ITGBL1: variants seen among roughly 807,000 people sequenced by gnomAD.
ITGBL1 encodes integrin subunit beta like 1.
ITGBL1 carries 51 observed loss-of-function variants against 68.5 expected under a neutral mutation model. The ratio of observed to expected loss-of-function variants is 0.74; its 90% CI spans 0.59 to 0.94. The LOEUF (loss-of-function observed/expected upper bound fraction) is 0.94. Among genes scored for constraint, ITGBL1 ranks in the 40% least tolerant of loss-of-function variants. The pLI is 0.00. For synonymous variants in ITGBL1, 209 were observed against 227.3 expected, an observed-to-expected ratio of 0.92 and a Z score of 0.72; for missense variants, 649 against 647.4, an observed-to-expected ratio of 1.00 and a Z score of -0.03.
At chr13:101,691,992 T>A (rs1308850475) in intron 7 of ITGBL1, among the ~76,000 whole-genome samples, 1 of 152,170 alleles carries the variant, frequency 6.6e-6, no homozygotes, top group Admixed American at 6.6e-5. Flanking sequence ...ACCAAATTCA[T>A]TGCAAAAATA....
rs150852471 is a variant in ITGBL1, at chr13:101,488,011, G to A, written c.316+33911G>A. On this transcript the variant is annotated intron_variant, in intron 2 of 10. Coordinates refer to ENST00000376180, the MANE Select transcript of ITGBL1 (RefSeq NM_004791.3). ...GAGGTGGTGATGGTAAGAATGCTGG[G>A]CTTCGGAGGAGGAGATCAAATGGGC... Among the ~76,000 whole-genome samples the A allele has an allele frequency of 6.9e-3, 1,048 of 152,292 alleles. 5 individuals are homozygous for A. Among genetic ancestry groups the A allele is most frequent in the Middle Eastern group, 0.02 (6 of 294 alleles).
In ITGBL1 at chr13:101,579,430, G is replaced by A. The variant is rs752147087; in HGVS notation, c.727+3G>A. On this transcript the variant is annotated splice_donor_region_variant and intron_variant, in intron 5 of 10. Coordinates refer to ENST00000376180, the MANE Select transcript of ITGBL1 (RefSeq NM_004791.3). ...TGGCAAAATCTGCAGTAACAGAGGT[G>A]TGTCATTCATACATGTTACTACATA... is the stretch of plus-strand genomic sequence containing the variant. 3 of 1,613,252 alleles carry A rather than the reference G, an allele frequency of 1.9e-6. No homozygotes were observed. In the African/African-American group the frequency reaches 4.0e-5, roughly 22 times the overall value.
downstream of ITGBL1, chr13:101,720,431 A>T (rs1247059751): frequency 6.6e-6 from 1 of 152,090 alleles, no homozygotes; most frequent in South Asian, 2.1e-4. Context: ...TACAAAAATA[A>T]ATCTTGTCTT....
At chr13:101,659,030 G>A (rs971527041) in intron 7 of ITGBL1, among the ~76,000 whole-genome samples, 1 of 147,212 alleles carries the variant, frequency 6.8e-6, no homozygotes, top group Non-Finnish European at 1.5e-5. Context: ...GCCTTAGAGT[G>A]GTGATTGAAT....
At chr13:101,644,604 C>A (rs2032499427) in intron 7 of ITGBL1, among the ~76,000 whole-genome samples, 1 of 152,154 alleles carries the variant, frequency 6.6e-6, no homozygotes, top group African/African-American at 2.4e-5. Flanking sequence ...TTAAATTCCT[C>A]TTTAGGGATT....
intron 6 of ITGBL1, among the ~76,000 whole-genome samples, chr13:101,583,855 TGAGAGGGCACCCAC>T (rs1166908785): frequency 3.9e-5 from 6 of 152,150 alleles, no homozygotes; most frequent in Non-Finnish European, 7.3e-5. Flanking sequence ...AGACTAGAGA[TGAGAGGGCACCCAC>T]TCTTTTAAAG....
intron 2 of ITGBL1, among the ~76,000 whole-genome samples, chr13:101,468,740 T>A (rs1398204143): frequency 1.3e-5 from 2 of 152,224 alleles, no homozygotes; most frequent in Non-Finnish European, 2.9e-5. Flanking sequence ...AAGAAAGTAC[T>A]GGGCAAAAGA....
intron 2 of ITGBL1, among the ~76,000 whole-genome samples, chr13:101,496,871 T>C (rs1301533751): frequency 6.6e-6 from 1 of 152,214 alleles, no homozygotes; most frequent in Non-Finnish European, 1.5e-5. Flanking sequence ...AATAAAGGTG[T>C]CCTTAAAAAT....
chr13:101,629,405 C>T (rs1219385429), intron 7 of ITGBL1, among the ~76,000 whole-genome samples: 2 of 151,994 alleles, frequency 1.3e-5, no homozygotes, highest in African/African-American at 4.8e-5. Context: ...TTATAAAATA[C>T]ACTGCATACA....
chr13:101,474,832 C>T (rs2152325), intron 2 of ITGBL1, among the ~76,000 whole-genome samples: 90,094 of 152,090 alleles, frequency 0.59, 27,565 homozygotes, highest in Non-Finnish European at 0.65. Context: ...AAGGAGATAC[C>T]TTTACAAGTC....
intron 6 of ITGBL1, among the ~76,000 whole-genome samples, chr13:101,587,735 A>G (rs2050581205): frequency 6.6e-6 from 1 of 152,204 alleles, no homozygotes; most frequent in African/African-American, 2.4e-5. Flanking sequence ...TATGTGGTGA[A>G]ATTTGTCCCT....
intron 9 of ITGBL1, chr13:101,710,763 T>A (rs904938157): frequency 9.2e-5 from 14 of 152,194 alleles, no homozygotes; most frequent in Non-Finnish European, 1.6e-4. Context: ...GGCTGAAACG[T>A]GCACTTCCCA....
At chr13:101,577,500 T>G (rs1374770529) in intron 4 of ITGBL1, among the ~76,000 whole-genome samples, 1 of 152,208 alleles carries the variant, frequency 6.6e-6, no homozygotes, top group Non-Finnish European at 1.5e-5. Flanking sequence ...CTTATTTACC[T>G]CTAACTCAAA....
At chr13:101,575,398 C>G in intron 3 of ITGBL1, 26 bp from the exon 4 acceptor site, 1 of 1,601,952 alleles carries the variant, frequency 6.2e-7, no homozygotes, top group Non-Finnish European at 8.5e-7. Flanking sequence ...ATGTAACAAA[C>G]AGTCTTTTTT....
At chr13:101,696,663 C>T (rs541054514) in intron 8 of ITGBL1, among the ~76,000 whole-genome samples, 3 of 152,210 alleles carry the variant, frequency 2.0e-5, no homozygotes, top group Non-Finnish European at 4.4e-5. Flanking sequence ...CCACCTGCAT[C>T]GTAGTGTGAT....
intron 7 of ITGBL1, among the ~76,000 whole-genome samples, chr13:101,602,380 T>C (rs925379848): frequency 3.9e-5 from 6 of 151,966 alleles, no homozygotes; most frequent in Non-Finnish European, 7.4e-5. Context: ...CCATTCCTCT[T>C]GATTTATCAA....
intron 7 of ITGBL1, among the ~76,000 whole-genome samples, chr13:101,665,789 T>C (rs1217739429): frequency 6.6e-6 from 1 of 152,172 alleles, no homozygotes; most frequent in Admixed American, 6.5e-5. Flanking sequence ...GGAGGGTTCT[T>C]ATGCACAATT....
At chr13:101,649,347 C>T in intron 7 of ITGBL1, among the ~76,000 whole-genome samples, 1 of 152,086 alleles carries the variant, frequency 6.6e-6, no homozygotes, top group East Asian at 1.9e-4. Context: ...CAGCAACTTG[C>T]ATTGGTGGCT....
intron 7 of ITGBL1, among the ~76,000 whole-genome samples, chr13:101,600,862 G>A (rs1020512362): frequency 7.9e-5 from 12 of 152,160 alleles, no homozygotes; most frequent in East Asian, 1.9e-4. Context: ...GAGGATTTTT[G>A]CATTGATGTT....
Sources: gnomAD v4.1 joint callset for allele counts (sites outside exome capture counted in the v4.1 genomes callset) on GRCh38, gnomAD v4.1.1 for gene constraint, MANE v1.5 for transcripts, NCBI Gene and HGNC (gene_info 2026-07-23, HGNC 2026-07-21) for gene names.